Variants in GRIK4 observed in about 807,000 individuals in gnomAD.
GRIK4 encodes the protein glutamate ionotropic receptor kainate type subunit 4.
Under a neutral mutation model 104.9 loss-of-function variants are expected in GRIK4, and 40 were observed. That is an observed-to-expected ratio of 0.38 (90% CI 0.30 to 0.50). The LOEUF is 0.50. Among genes scored for constraint, GRIK4 ranks in the 20% least tolerant of loss-of-function variants. GRIK4 has a pLI of 0.93. For missense variants in GRIK4, 1,047 were observed against 1,308.1 expected, an observed-to-expected ratio of 0.80 and a Z score of 3.08; for synonymous variants, 485 against 524.9, an observed-to-expected ratio of 0.92 and a Z score of 1.04.
intron 8 of GRIK4, among the ~76,000 whole-genome samples, chr11:120,849,619 C>A (rs1340453659): frequency 1.3e-5 from 2 of 152,218 alleles, no homozygotes; most frequent in Non-Finnish European, 2.9e-5. Context: ...CTCAAAATAA[C>A]ACTGCAAAGT....
chr11:120,799,648 A>T (rs1952586952), intron 3 of GRIK4, among the ~76,000 whole-genome samples: 1 of 152,210 alleles, frequency 6.6e-6, no homozygotes, highest in South Asian at 2.1e-4. Context: ...AAGTGAAGAT[A>T]AAATATCCAC....
intron 3 of GRIK4, among the ~76,000 whole-genome samples, chr11:120,666,374 T>C (rs1272643485): frequency 6.6e-6 from 1 of 152,170 alleles, no homozygotes; most frequent in African/African-American, 2.4e-5. Context: ...GGGTCCTGAA[T>C]AGCCTGCTGG....
At chr11:120,837,963 G>A (rs983763019) in intron 8 of GRIK4, among the ~76,000 whole-genome samples, 5 of 152,140 alleles carry the variant, frequency 3.3e-5, no homozygotes, top group African/African-American at 1.2e-4. Context: ...CATGAGTAGA[G>A]GAGGAAGGAA....
At chr11:120,653,102 C>T (rs1336935203) in intron 1 of GRIK4, among the ~76,000 whole-genome samples, 1 of 152,248 alleles carries the variant, frequency 6.6e-6, no homozygotes, top group Non-Finnish European at 1.5e-5. Context: ...TTCATTCATG[C>T]ATGCATGCAT....
At chr11:120,715,053 T>C (rs1001655188) in intron 3 of GRIK4, among the ~76,000 whole-genome samples, 6 of 152,168 alleles carry the variant, frequency 3.9e-5, no homozygotes, top group African/African-American at 1.4e-4. Flanking sequence ...ACTGGAGGTG[T>C]CCACCCTGTA....
intron 6 of GRIK4, among the ~76,000 whole-genome samples, chr11:120,824,547 TC>T (rs1479526501): frequency 2.1e-5 from 3 of 140,544 alleles, no homozygotes; most frequent in African/African-American, 7.7e-5. Context: ...CTTTTTTTTT[TC>T]TTTTCTTTTT....
At chr11:120,609,599 C>T (rs1430039513) in intron 1 of GRIK4, among the ~76,000 whole-genome samples, 2 of 146,296 alleles carry the variant, frequency 1.4e-5, no homozygotes, top group South Asian at 2.3e-4. Flanking sequence ...ACTGCAACCT[C>T]CGCCTCCCAG....
At chr11:120,896,344 G>A (rs1473939372) in intron 11 of GRIK4, among the ~76,000 whole-genome samples, 1 of 152,214 alleles carries the variant, frequency 6.6e-6, no homozygotes, top group African/African-American at 2.4e-5. Context: ...TTCCTTATCT[G>A]TAAAACGGGG....
At chr11:120,781,341 TA>T (rs1952152637) in intron 3 of GRIK4, among the ~76,000 whole-genome samples, 1 of 152,056 alleles carries the variant, frequency 6.6e-6, no homozygotes, top group African/African-American at 2.4e-5. Context: ...TGTGGGGTTT[TA>T]AAAAAATTAT....
chr11:120,609,245 C>G (rs189293738), intron 1 of GRIK4, among the ~76,000 whole-genome samples: 1 of 151,710 alleles, frequency 6.6e-6, no homozygotes, highest in African/African-American at 2.4e-5. Flanking sequence ...GGGGTGAAGT[C>G]GAAGACAGTT....
intron 3 of GRIK4, among the ~76,000 whole-genome samples, chr11:120,739,213 A>G (rs1403894458): frequency 3.3e-5 from 5 of 152,162 alleles, no homozygotes; most frequent in Non-Finnish European, 7.4e-5. Flanking sequence ...GCCAGGCTTG[A>G]TTTTCCTTAT....
Position 120,819,234 on chromosome 11 carries a change from C to T in GRIK4, c.346-521C>T, listed in dbSNP as rs150906611. Among the ~76,000 whole-genome samples the T allele has an allele frequency of 4.4e-4, 67 of 152,344 alleles. 2 individuals carry two copies. The highest frequency in any genetic ancestry group is 1.5e-3 in the African/African-American group (64 of 41,582). On this transcript the variant is annotated intron_variant, in intron 5 of 20. Coordinates refer to ENST00000527524, the MANE Select transcript of GRIK4 (RefSeq NM_014619.5). The surrounding 1 kb of genome is among the most constrained non-coding windows in gnomAD (Gnocchi z 4.3). ...CCCATCCCCGCCCCACTTCCTCTCC[C>T]TGGGCATTCCCCACTGAAGTTTGTT...
At chr11:120,594,788 T>C (rs1948780035) in intron 1 of GRIK4, among the ~76,000 whole-genome samples, 1 of 152,206 alleles carries the variant, frequency 6.6e-6, no homozygotes, top group Non-Finnish European at 1.5e-5. Context: ...AGCCGTACCA[T>C]GACTCCATTG....
intron 1 of GRIK4, among the ~76,000 whole-genome samples, chr11:120,597,113 G>A (rs138643614): frequency 0.015 from 2,324 of 152,302 alleles, 121 homozygotes; most frequent in Admixed American, 0.096. Context: ...CTTAGTCAAC[G>A]GCTGCTCCCA....
chr11:120,629,125 C>A (rs1949300196), intron 1 of GRIK4, among the ~76,000 whole-genome samples: 1 of 151,988 alleles, frequency 6.6e-6, no homozygotes, highest in African/African-American at 2.4e-5. Flanking sequence ...GAGGAGGTGG[C>A]CCAGAGATGG....
intron 1 of GRIK4, among the ~76,000 whole-genome samples, chr11:120,569,448 A>G (rs1384864719): frequency 2.0e-5 from 3 of 152,234 alleles, no homozygotes; most frequent in South Asian, 2.1e-4. Flanking sequence ...AACAGATACT[A>G]TCATCCCCAT....
chr11:120,625,343 C>T (rs115000285), intron 1 of GRIK4, among the ~76,000 whole-genome samples: 200 of 151,980 alleles, frequency 1.3e-3, no homozygotes, highest in African/African-American at 4.6e-3. Context: ...GCAAAGGCAG[C>T]GGGGAATGGC....
intron 1 of GRIK4, among the ~76,000 whole-genome samples, chr11:120,624,090 T>A (rs891745979): frequency 1.3e-5 from 2 of 152,148 alleles, no homozygotes; most frequent in Non-Finnish European, 1.5e-5. Flanking sequence ...ACAGATGGCA[T>A]AAACAATATG....
At chr11:120,960,850 G>T in intron 16 of GRIK4, 59 bp from the exon 17 acceptor site, 1 of 1,400,714 alleles carries the variant, frequency 7.1e-7, no homozygotes, top group Non-Finnish European at 1.0e-6. Flanking sequence ...CTGGGGTCAG[G>T]GGCCAAGACT....
Sources: allele counts gnomAD v4.1 joint callset (sites outside exome capture counted in the v4.1 genomes callset), GRCh38; gene constraint gnomAD v4.1.1; non-coding constraint Gnocchi (gnomAD v3.1); transcripts MANE v1.5; gene names NCBI Gene and HGNC (gene_info 2026-07-23, HGNC 2026-07-21).